FRMD3: variants seen among roughly 807,000 people sequenced by gnomAD.
The protein encoded by FRMD3 is FERM domain containing 3.
FRMD3 carries 33 observed loss-of-function variants against 70.2 expected under a neutral mutation model. The ratio of observed to expected loss-of-function variants is 0.47; its 90% CI spans 0.36 to 0.63. The LOEUF (loss-of-function observed/expected upper bound fraction) is 0.63. Ranked by LOEUF, FRMD3 falls within the 20% of genes least tolerant of loss-of-function variation. The probability of loss-of-function intolerance (pLI) is 0.00; values close to 1 mark genes in which losing one functional copy is unlikely to be tolerated. For synonymous variants in FRMD3, 279 were observed against 255.9 expected, an observed-to-expected ratio of 1.09 and a Z score of -0.86; for missense variants, 632 against 711.4, an observed-to-expected ratio of 0.89 and a Z score of 1.27.
chr9:83,542,811 A>G (rs1830013536), upstream of FRMD3, among the ~76,000 whole-genome samples: 2 of 152,218 alleles, frequency 1.3e-5, no homozygotes, highest in Admixed American at 1.3e-4. Flanking sequence ...AATACAGTCA[A>G]TTGATATTTG....
chr9:83,251,934 A>C (rs1489954504), intron 13 of FRMD3, among the ~76,000 whole-genome samples: 1 of 152,210 alleles, frequency 6.6e-6, no homozygotes, highest in Admixed American at 6.5e-5. Context: ...GAATGGAACC[A>C]AGTTAGAAAA....
chr9:83,326,702 T>C (rs1356542046), intron 6 of FRMD3, among the ~76,000 whole-genome samples: 2 of 152,218 alleles, frequency 1.3e-5, no homozygotes, highest in East Asian at 1.9e-4. Context: ...ATTCTGGTAA[T>C]GGAAAATAAT....
intron 7 of FRMD3, among the ~76,000 whole-genome samples, chr9:83,312,529 G>C (rs990077254): frequency 1.3e-4 from 20 of 152,150 alleles, no homozygotes; most frequent in Non-Finnish European, 4.4e-5. Context: ...CAGTCTCCAA[G>C]AAATAAATAA....
intron 1 of FRMD3, among the ~76,000 whole-genome samples, chr9:83,508,389 T>C (rs1829253674): frequency 6.6e-6 from 1 of 152,206 alleles, no homozygotes; most frequent in Admixed American, 6.5e-5. Flanking sequence ...CGCACACATA[T>C]AACTTTGCAT....
intron 3 of FRMD3, among the ~76,000 whole-genome samples, chr9:83,365,368 G>A (rs922393265): frequency 1.3e-5 from 2 of 152,068 alleles, no homozygotes; most frequent in African/African-American, 4.8e-5. Context: ...GATCTTGCAT[G>A]AATCTGTTAA....
chr9:83,274,320 A>G (rs946248315), intron 13 of FRMD3, among the ~76,000 whole-genome samples: 1 of 152,150 alleles, frequency 6.6e-6, no homozygotes, highest in Non-Finnish European at 1.5e-5. Context: ...TCAGTCATCT[A>G]TCCCTTATTG....
chr9:83,479,070 A>T (rs1828466968), intron 1 of FRMD3, among the ~76,000 whole-genome samples: 1 of 152,082 alleles, frequency 6.6e-6, no homozygotes, highest in Non-Finnish European at 1.5e-5. Flanking sequence ...TACATCAATA[A>T]GAAAAATACA....
At chr9:83,318,499 A>G (rs530609887) in intron 6 of FRMD3, among the ~76,000 whole-genome samples, 301 of 135,358 alleles carry the variant, frequency 2.2e-3, no homozygotes, top group Middle Eastern at 4.1e-3. Context: ...GTGTGTGTGT[A>G]TATATATATA....
intron 10 of FRMD3, among the ~76,000 whole-genome samples, chr9:83,299,874 C>T (rs1834835200): frequency 6.6e-6 from 1 of 152,218 alleles, no homozygotes. Flanking sequence ...CAACAACACT[C>T]TGAAAAGCAG....
intron 1 of FRMD3, among the ~76,000 whole-genome samples, chr9:83,390,869 G>T (rs993707892): frequency 6.6e-6 from 1 of 152,152 alleles, no homozygotes. Context: ...GATCAGTTTG[G>T]TCTATGTTAC....
At chr9:83,508,813 CT>C (rs1829265530) in intron 1 of FRMD3, among the ~76,000 whole-genome samples, 1 of 152,192 alleles carries the variant, frequency 6.6e-6, no homozygotes, top group South Asian at 2.1e-4. Flanking sequence ...ACACTTGTTC[CT>C]TTGTGCACTG....
intron 1 of FRMD3, among the ~76,000 whole-genome samples, chr9:83,485,618 A>G (rs1300023837): frequency 6.6e-6 from 1 of 152,178 alleles, no homozygotes; most frequent in Non-Finnish European, 1.5e-5. Context: ...ACAGAGAGAA[A>G]TTACCGTCTG....
At chr9:83,529,788 AC>A (rs1192261534) in intron 1 of FRMD3, among the ~76,000 whole-genome samples, 9 of 152,228 alleles carry the variant, frequency 5.9e-5, no homozygotes, top group Admixed American at 2.0e-4. Flanking sequence ...AACTCTTACA[AC>A]TTAATAATAA....
intron 4 of FRMD3, among the ~76,000 whole-genome samples, chr9:83,347,663 A>C (rs1824006923): frequency 6.6e-6 from 1 of 152,232 alleles, no homozygotes; most frequent in Non-Finnish European, 1.5e-5. Flanking sequence ...TTTACTCTTA[A>C]GCATGGTCAT....
intron 13 of FRMD3, among the ~76,000 whole-genome samples, chr9:83,263,555 C>T (rs1237704491): frequency 6.6e-6 from 1 of 152,156 alleles, no homozygotes; most frequent in Non-Finnish European, 1.5e-5. Flanking sequence ...ATTATCACCA[C>T]ACATCAGTAT....
intron 1 of FRMD3, among the ~76,000 whole-genome samples, chr9:83,502,842 A>T (rs532245562): frequency 1.3e-5 from 2 of 152,166 alleles, no homozygotes; most frequent in Non-Finnish European, 2.9e-5. Flanking sequence ...CAGAAACACT[A>T]AACACTGATT....
At chr9:83,438,078 G>C (rs907264394) in intron 1 of FRMD3, among the ~76,000 whole-genome samples, 1 of 152,080 alleles carries the variant, frequency 6.6e-6, no homozygotes, top group Non-Finnish European at 1.5e-5. Context: ...CCAGTAAAAG[G>C]CTAAAAATTT....
chr9:83,293,134 AG>A (rs1321090341), intron 12 of FRMD3, among the ~76,000 whole-genome samples: 1 of 152,148 alleles, frequency 6.6e-6, no homozygotes, highest in African/African-American at 2.4e-5. Flanking sequence ...TGCTTTCTAC[AG>A]GGAAAGAACC....
At chr9:83,317,193 T>TACACACAC (rs71823603) in intron 6 of FRMD3, among the ~76,000 whole-genome samples, 1,784 of 145,078 alleles carry the variant, frequency 0.012, 36 homozygotes, top group African/African-American at 0.039. Flanking sequence ...CTCTCATGCA[T>TACACACAC]ACACACACAC....
Sources: gnomAD v4.1 joint callset for allele counts (sites outside exome capture counted in the v4.1 genomes callset) on GRCh38, gnomAD v4.1.1 for gene constraint, MANE v1.5 for transcripts, NCBI Gene and HGNC (gene_info 2026-07-23, HGNC 2026-07-21) for gene names.